MAGI1: variants seen among roughly 807,000 people sequenced by gnomAD.
MAGI1 encodes membrane-associated guanylate kinase, WW and PDZ domain-containing protein 1.
Under a neutral mutation model 139.9 loss-of-function variants are expected in MAGI1, and 58 were observed. The observed-to-expected ratio is 0.41, with a 90% CI of 0.34 to 0.52. The LOEUF (loss-of-function observed/expected upper bound fraction) is 0.52. MAGI1 is among the 20% of genes least tolerant of loss of function. The pLI, the probability that MAGI1 is intolerant of heterozygous loss-of-function variation, is 0.12. For missense variants in MAGI1, 1,874 were observed against 1,901.6 expected (o/e 0.99, Z 0.27); for synonymous variants, 812 against 737.9 (o/e 1.10, Z -1.63).
chr3:65,364,008 A>T (rs1941147032), intron 20 of MAGI1, among the ~76,000 whole-genome samples: 1 of 151,870 alleles, frequency 6.6e-6, no homozygotes, highest in South Asian at 2.1e-4. Flanking sequence ...ATCAAGGAAA[A>T]TTATGAAGGG....
At chr3:65,946,624 C>A (rs967076014) in intron 1 of MAGI1, among the ~76,000 whole-genome samples, 1 of 152,082 alleles carries the variant, frequency 6.6e-6, no homozygotes, top group Non-Finnish European at 1.5e-5. Context: ...CATCTGCCTA[C>A]AAGTAGGCCT....
At chr3:65,714,709 A>G (rs1464820032) in intron 1 of MAGI1, among the ~76,000 whole-genome samples, 5 of 152,144 alleles carry the variant, frequency 3.3e-5, no homozygotes, top group Admixed American at 2.0e-4. Flanking sequence ...AGCTTTCTAC[A>G]GGTAAATCAA....
At chr3:65,507,859 C>A (rs1479199852) in intron 2 of MAGI1, among the ~76,000 whole-genome samples, 1 of 151,606 alleles carries the variant, frequency 6.6e-6, no homozygotes, top group Non-Finnish European at 1.5e-5. Context: ...TTTTTTCAGT[C>A]TCATTGTTAA....
chr3:65,637,080 G>A (rs1453122581), intron 1 of MAGI1, among the ~76,000 whole-genome samples: 1 of 152,182 alleles, frequency 6.6e-6, no homozygotes, highest in Non-Finnish European at 1.5e-5. Context: ...GTTCTTGGCA[G>A]CTCCAAACTA....
chr3:65,570,384 G>A lies in MAGI1; in HGVS notation c.430+51588C>T, dbSNP rs544273168. Among the ~76,000 whole-genome samples the A allele has an allele frequency of 1.1e-4, 16 of 150,428 alleles. No homozygotes were observed. In the East Asian group the frequency reaches 2.7e-3, roughly 26 times the overall value. The stretch of plus-strand genomic sequence containing the variant: ...CCTAAAGTGCTAGGATCACAGGCAT[G>A]AGCCACTACACCTGGCCTTTCTACA... On this transcript the variant is annotated intron_variant, in intron 2 of 22. Transcript: ENST00000402939.
intron 1 of MAGI1, among the ~76,000 whole-genome samples, chr3:65,728,727 T>C (rs547940607): frequency 6.6e-6 from 1 of 152,186 alleles, no homozygotes; most frequent in African/African-American, 2.4e-5. Context: ...CCGTATTTTT[T>C]AAAAAATTAT....
intron 1 of MAGI1, among the ~76,000 whole-genome samples, chr3:65,868,502 C>T (rs2059808106): frequency 1.3e-5 from 2 of 152,140 alleles, no homozygotes; most frequent in South Asian, 4.1e-4. Flanking sequence ...AGACTCCCTG[C>T]ACCCTGGAAA....
intron 3 of MAGI1, among the ~76,000 whole-genome samples, chr3:65,484,808 T>C (rs1483524570): frequency 6.6e-6 from 1 of 152,146 alleles, no homozygotes; most frequent in South Asian, 2.1e-4. Flanking sequence ...ACAGACTAGA[T>C]CAAAGCTGTC....
rs530879596 is a variant in MAGI1 at position 65,860,656 on chromosome 3, T to G, written c.313+177340A>C. Reference sequence around the variant, plus strand: ...AGGTCCCCTAGGATGGTGTCAAGAGTCTGTCCTCCCCGTGGCAGCCAGTGC... The same window carrying G: ...AGGTCCCCTAGGATGGTGTCAAGAGGCTGTCCTCCCCGTGGCAGCCAGTGC... On this transcript the variant is annotated intron_variant, in intron 1 of 22. Transcript: ENST00000402939. Among the ~76,000 whole-genome samples, 11 of 152,096 alleles carry G rather than the reference T, an allele frequency of 7.2e-5. No homozygotes were observed. The South Asian group carries it at 2.3e-3, about 32-fold the overall frequency.
At chr3:65,430,262 G>A in intron 11 of MAGI1, 122 bp from the exon 12 acceptor site, 1 of 953,666 alleles carries the variant, frequency 1.0e-6, no homozygotes. Context: ...ATACTATAGG[G>A]TATAAAGTGC....
At chr3:66,031,444 T>C (rs559785356) in intron 1 of MAGI1, among the ~76,000 whole-genome samples, 2 of 152,148 alleles carry the variant, frequency 1.3e-5, no homozygotes, top group African/African-American at 4.8e-5. Context: ...GGGTAATGAA[T>C]GCCAAGAAAC....
intron 1 of MAGI1, among the ~76,000 whole-genome samples, chr3:65,961,239 T>C (rs2064409782): frequency 6.6e-6 from 1 of 152,206 alleles, no homozygotes; most frequent in Admixed American, 6.5e-5. Flanking sequence ...AACTGGTCTC[T>C]GTCCAGTCGA....
rs528599507 is a variant in MAGI1 at position 65,758,608 on chromosome 3, C to T, written c.314-136520G>A. ...TCATGCCCCAGGAGACATCTGGCAA[C>T]GTCTGGAGACATTATTGGTTGTCAC... is the stretch of plus-strand genomic sequence containing the variant. On this transcript the variant is annotated intron_variant, in intron 1 of 22. Transcript: ENST00000402939. Among the ~76,000 whole-genome samples, 9 of 152,214 alleles carry T rather than the reference C, an allele frequency of 5.9e-5. No homozygotes were observed. In the South Asian group the frequency reaches 1.9e-3, roughly 32 times the overall value.
chr3:65,940,827 G>A (rs1014032584), intron 1 of MAGI1, among the ~76,000 whole-genome samples: 1 of 152,078 alleles, frequency 6.6e-6, no homozygotes, highest in African/African-American at 2.4e-5. Flanking sequence ...TTTGTTCATA[G>A]CACGTTTCAG....
At chr3:65,861,764 C>T (rs1049083291) in intron 1 of MAGI1, among the ~76,000 whole-genome samples, 3 of 151,368 alleles carry the variant, frequency 2.0e-5, no homozygotes, top group Admixed American at 6.5e-5. Context: ...GACTCAATGG[C>T]TGAATCACAG....
intron 1 of MAGI1, among the ~76,000 whole-genome samples, chr3:65,836,945 T>C (rs1329027982): frequency 2.0e-5 from 3 of 152,078 alleles, no homozygotes; most frequent in Admixed American, 6.5e-5. Context: ...AACTGTTAAA[T>C]TGTAATATAA....
chr3:65,918,428 T>G (rs546469124), intron 1 of MAGI1, among the ~76,000 whole-genome samples: 1 of 143,396 alleles, frequency 7.0e-6, no homozygotes, highest in South Asian at 2.2e-4. Flanking sequence ...GTCACCAGGC[T>G]GGAGTGCAAT....
At chr3:65,932,219 C>T (rs747292581) in intron 1 of MAGI1, among the ~76,000 whole-genome samples, 55 of 152,160 alleles carry the variant, frequency 3.6e-4, no homozygotes, top group Admixed American at 1.0e-3. Context: ...TCCCAACCAA[C>T]ATAAAATAAT....
intron 18 of MAGI1, among the ~76,000 whole-genome samples, chr3:65,374,392 A>ACTGAAACCTCCGCCTCC (rs1193248259): frequency 1.5e-5 from 2 of 134,462 alleles, no homozygotes; most frequent in African/African-American, 5.7e-5. Flanking sequence ...ATCTCGGCTC[A>ACTGAAACCTCCGCCTCC]CTGCAACCTC....
Sources: allele counts gnomAD v4.1 joint callset (sites outside exome capture counted in the v4.1 genomes callset), GRCh38; gene constraint gnomAD v4.1.1; transcripts MANE v1.5; gene names NCBI Gene and HGNC (gene_info 2026-07-23, HGNC 2026-07-21).